The following BLTP1 variants were observed in gnomAD, a reference collection of about 807,000 sequenced individuals.
The protein encoded by BLTP1 is bridge-like lipid transfer protein family member 1, also known as fragile site-associated protein.
chr4:122,356,661 A>C, the BLTP1 span: 1 of 1,613,838 alleles, frequency 6.2e-7, no homozygotes, highest in Non-Finnish European at 8.5e-7. Flanking sequence ...GTGTGGTGAC[A>C]GAGTTCACTG....
chr4:122,289,923 T>G, the BLTP1 span: 1 of 351,278 alleles, frequency 2.8e-6, no homozygotes, highest in Non-Finnish European at 4.0e-6. Context: ...GAAAAACTAC[T>G]GTAGTCTAAA....
At chr4:122,340,916 A>G in the BLTP1 span, 41 of 779,390 alleles carry the variant, frequency 5.3e-5, no homozygotes, top group African/African-American at 7.5e-5. Context: ...ACACTACAAC[A>G]TTTCTGTAGT....
chr4:122,226,611 T>TGTC, the BLTP1 span: 1 of 1,554,048 alleles, frequency 6.4e-7, no homozygotes, highest in Non-Finnish European at 8.6e-7. Context: ...GTTTGGGTTC[T>TGTC]TTCAAGCTAC....
chr4:122,229,239 A>G, the BLTP1 span: 3 of 1,597,516 alleles, frequency 1.9e-6, no homozygotes, highest in Non-Finnish European at 2.6e-6. Context: ...ACAAATATAA[A>G]GGTAAGTGTT....
chr4:122,246,372 C>T, the BLTP1 span: 2 of 1,293,006 alleles, frequency 1.5e-6, no homozygotes, highest in Non-Finnish European at 2.1e-6. Flanking sequence ...TTTTCAGTTA[C>T]CAACGTGAAT....
At chr4:122,361,322 C>A in the BLTP1 span, among the ~76,000 whole-genome samples, 10 of 152,232 alleles carry the variant, frequency 6.6e-5, no homozygotes, top group South Asian at 1.9e-3. Context: ...CAGAACTTAA[C>A]TTCGGGGAAG....
At chr4:122,207,027 G>T in the BLTP1 span, 3 of 1,272,352 alleles carry the variant, frequency 2.4e-6, no homozygotes, top group Middle Eastern at 2.8e-4. Flanking sequence ...ATTCATTTTT[G>T]ACTGGTGTTA....
the BLTP1 span, chr4:122,188,931 T>C: frequency 8.1e-6 from 8 of 985,138 alleles, no homozygotes; most frequent in African/African-American, 1.7e-5. Context: ...GCTAGAATGA[T>C]AGAAAGAGGG....
At chr4:122,214,010 T>C in the BLTP1 span, among the ~76,000 whole-genome samples, 1 of 152,198 alleles carries the variant, frequency 6.6e-6, no homozygotes, top group Non-Finnish European at 1.5e-5. Flanking sequence ...GGCATATATG[T>C]TCTTATTAAA....
the BLTP1 span, chr4:122,289,624 A>G: frequency 1.0e-6 from 1 of 985,192 alleles, no homozygotes; most frequent in African/African-American, 1.7e-5. Flanking sequence ...AATAGCTTAC[A>G]GTTGAGCTTA....
At chr4:122,362,345 A>G in the BLTP1 span, 4 of 947,096 alleles carry the variant, frequency 4.2e-6, no homozygotes, top group South Asian at 7.1e-5. Context: ...CTTTAAAATA[A>G]TTCTAAATTT....
the BLTP1 span, among the ~76,000 whole-genome samples, chr4:122,256,453 T>C: frequency 6.6e-6 from 1 of 152,208 alleles, no homozygotes; most frequent in Non-Finnish European, 1.5e-5. Flanking sequence ...ATGGCCGTCA[T>C]GCAAGGCTGG....
At chr4:122,310,814 G>A in the BLTP1 span, 1 of 279,800 alleles carries the variant, frequency 3.6e-6, no homozygotes. Context: ...CAAATACTTT[G>A]CATTTAGATA....
the BLTP1 span, chr4:122,229,654 A>G: frequency 8.5e-4 from 751 of 886,678 alleles, 1 homozygote; most frequent in Admixed American, 1.6e-3. Flanking sequence ...AGTTTCTACT[A>G]TTTCATTATT....
At chr4:122,176,000 T>G in the BLTP1 span, 313 of 742,306 alleles carry the variant, frequency 4.2e-4, 1 homozygote, top group Non-Finnish European at 8.2e-5. Flanking sequence ...ATATGACCAG[T>G]TAGAAAAGTT....
At chr4:122,156,421 C>T in the BLTP1 span, among the ~76,000 whole-genome samples, 1 of 152,074 alleles carries the variant, frequency 6.6e-6, no homozygotes, top group Admixed American at 6.6e-5. Context: ...TCACAAAAGT[C>T]AGTGGAAGAA....
the BLTP1 span, among the ~76,000 whole-genome samples, chr4:122,319,306 T>G: frequency 6.6e-6 from 1 of 152,032 alleles, no homozygotes; most frequent in Non-Finnish European, 1.5e-5. Flanking sequence ...AGATAGAAGT[T>G]TAGATAATTG....
At chr4:122,234,883 T>C in the BLTP1 span, 16 of 1,613,838 alleles carry the variant, frequency 9.9e-6, no homozygotes, top group African/African-American at 2.7e-5. Flanking sequence ...GGCCTAGATT[T>C]CTTCAAACTT....
the BLTP1 span, chr4:122,189,895 T>A: frequency 6.8e-7 from 1 of 1,476,934 alleles, no homozygotes; most frequent in Non-Finnish European, 9.0e-7. Flanking sequence ...GCTTGTTAGT[T>A]TTTTTTTCCT....
Sources: gnomAD v4.1 joint callset for allele counts (sites outside exome capture counted in the v4.1 genomes callset) on GRCh38, gnomAD v4.1.1 for gene constraint, MANE v1.5 for transcripts, NCBI Gene and HGNC (gene_info 2026-07-23, HGNC 2026-07-21) for gene names.